Variants in TNFSF10 observed in about 807,000 individuals in gnomAD.
TNFSF10 encodes the protein TNF superfamily member 10, also known as tumor necrosis factor ligand superfamily member 10.
Under a neutral mutation model 29.5 loss-of-function variants are expected in TNFSF10, and 13 were observed. That is an observed-to-expected ratio of 0.44 (90% CI 0.29 to 0.70). The LOEUF is 0.70. TNFSF10 is among the 30% of genes least tolerant of loss of function. The probability of loss-of-function intolerance (pLI) is 0.13; values close to 1 mark genes in which losing one functional copy is unlikely to be tolerated. For synonymous variants in TNFSF10, 111 were observed against 112.8 expected (o/e 0.98, Z 0.10); for missense variants, 345 against 330.9 (o/e 1.04, Z -0.33).
chr3:172,516,069 T>C (rs947910020), intron 1 of TNFSF10, among the ~76,000 whole-genome samples: 9 of 152,136 alleles, frequency 5.9e-5, no homozygotes, highest in Admixed American at 2.0e-4. Context: ...GAGACCATCC[T>C]GGCTAACCCA....
intron 2 of TNFSF10, among the ~76,000 whole-genome samples, chr3:172,511,996 G>A (rs577649537): frequency 2.6e-5 from 4 of 152,346 alleles, no homozygotes; most frequent in African/African-American, 9.6e-5. Flanking sequence ...GATGGGTGTG[G>A]CAGCCATGTC....
Position 172,514,846 on chromosome 3 carries a change from G to T in TNFSF10, c.270+15C>A, listed in dbSNP as rs1406594361. On this transcript the variant is annotated intron_variant, in intron 2 of 4. Transcript: ENST00000241261. ...TCTCCGCCTGCTGGTGAGGTCACCT[G>T]GTGAGGTTACCTACCTTTCTAACGA... 6 of 1,613,694 alleles carry T rather than the reference G, an allele frequency of 3.7e-6. No homozygotes were observed. Among genetic ancestry groups the T allele is most frequent in the Non-Finnish European group, 5.1e-6 (6 of 1,179,894 alleles).
At chr3:172,519,986 G>A (rs986555691) in intron 1 of TNFSF10, among the ~76,000 whole-genome samples, 3 of 152,302 alleles carry the variant, frequency 2.0e-5, no homozygotes, top group African/African-American at 7.2e-5. Context: ...GGTGCTAGCC[G>A]CCCCACGGCC....
In TNFSF10 at chr3:172,514,994, T is replaced by A; in HGVS notation, c.137A>T (p.Gln46Leu). The change falls in exon 2 of 5, where the codon CAG becomes CTG. Residue 46 changes from glutamine to leucine, a missense_variant. By Grantham distance (113) the Gln-to-Leu change is moderately radical (BLOSUM62 -2). Coordinates refer to ENST00000241261, the MANE Select transcript of TNFSF10 (RefSeq NM_003810.4). Reference protein sequence around the residue: ...VYFTNELKQMQDKYSKSGIAC... With the variant: ...VYFTNELKQMLDKYSKSGIAC... The stretch of plus-strand genomic sequence containing the variant: ...AATGCCACTTTTGGAGTACTTGTCC[T>A]GCATCTGGGTTGAGATGGAATATAA... 1.2e-6 allele frequency: 2 copies of A among 1,614,126 alleles called. No individual in the cohort carries two copies. Among genetic ancestry groups the A allele is most frequent in the Non-Finnish European group, 1.7e-6 (2 of 1,180,006 alleles).
intron 1 of TNFSF10, 58 bp from the exon 2 acceptor site, chr3:172,515,056 A>G: frequency 6.2e-7 from 1 of 1,608,896 alleles, no homozygotes; most frequent in Non-Finnish European, 8.5e-7. Context: ...ATTTTTGTTC[A>G]TTTGGAAGTT....
At chr3:172,518,912 CATTGT>C (rs1713561589) in intron 1 of TNFSF10, among the ~76,000 whole-genome samples, 1 of 150,288 alleles carries the variant, frequency 6.7e-6, no homozygotes, top group African/African-American at 2.4e-5. Flanking sequence ...ATAAAAATAG[CATTGT>C]ATTGTATTGA....
intron 1 of TNFSF10, among the ~76,000 whole-genome samples, chr3:172,521,473 G>A (rs1427124454): frequency 2.0e-5 from 3 of 152,194 alleles, no homozygotes; most frequent in African/African-American, 4.8e-5. Flanking sequence ...CTGGTCATTA[G>A]AGAAATGCAA....
chr3:172,515,131 A>G, intron 1 of TNFSF10, 133 bp from the exon 2 acceptor site: 1 of 1,193,860 alleles, frequency 8.4e-7, no homozygotes, highest in South Asian at 1.4e-5. Context: ...TCCTGTTTGA[A>G]ATAAAAGTAA....
chr3:172,507,917 T>C (rs577834108), intron 4 of TNFSF10, among the ~76,000 whole-genome samples: 1 of 152,306 alleles, frequency 6.6e-6, no homozygotes, highest in South Asian at 2.1e-4. Context: ...TTTGCATCAT[T>C]TTGTGGGTTA....
At chr3:172,513,639 A>G (rs1036581513) in intron 2 of TNFSF10, among the ~76,000 whole-genome samples, 2 of 152,188 alleles carry the variant, frequency 1.3e-5, no homozygotes, top group Non-Finnish European at 2.9e-5. Context: ...CCAACATAAC[A>G]GTATTTATAT....
At chr3:172,523,175 C>T in intron 1 of TNFSF10, 78 bp downstream of exon 1, 5 of 1,474,590 alleles carry the variant, frequency 3.4e-6, no homozygotes, top group Non-Finnish European at 4.6e-6. Context: ...CAGAGAGGGG[C>T]AAGCTGACAT....
chr3:172,507,889 A>G (rs3819773), intron 4 of TNFSF10, among the ~76,000 whole-genome samples: 105,555 of 152,166 alleles, frequency 0.69, 37,004 homozygotes, highest in Middle Eastern at 0.79. Flanking sequence ...TCTTGAGGAC[A>G]TACAATAGAC....
chr3:172,518,879 T>C (rs1330988570), intron 1 of TNFSF10, among the ~76,000 whole-genome samples: 1 of 152,218 alleles, frequency 6.6e-6, no homozygotes, highest in Non-Finnish European at 1.5e-5. Context: ...AGGAGACTTT[T>C]CAGCAGTAAT....
At chr3:172,509,057 A>G (rs766034946) in intron 4 of TNFSF10, 160 bp downstream of exon 4, 2 of 477,938 alleles carry the variant, frequency 4.2e-6, no homozygotes, top group Non-Finnish European at 7.1e-6. Context: ...GTTTGTCTGT[A>G]ATCTTGCATC....
At chr3:172,513,895 G>A (rs1713329957) in intron 2 of TNFSF10, among the ~76,000 whole-genome samples, 1 of 151,220 alleles carries the variant, frequency 6.6e-6, no homozygotes, top group African/African-American at 2.4e-5. Flanking sequence ...CTAGAGTGCA[G>A]TGGCATGATC....
intron 1 of TNFSF10, chr3:172,518,501 G>A (rs1010671309): frequency 3.5e-5 from 44 of 1,275,158 alleles, no homozygotes; most frequent in Middle Eastern, 2.1e-4. Flanking sequence ...ATGGAGATCC[G>A]TGGAGAGGAA....
Position 172,509,264 on chromosome 3 carries a change from G to A in TNFSF10, c.371C>T (p.Ala124Val), listed in dbSNP as rs1388931325. ...VRERGPQRVA[A>V]HITGTRGRSN... ...TCTTCCTCTGGTCCCAGTTATGTGAGCTGCTACTCTCTGAGGACCTCTTTC... is the reference window on the plus strand; with the variant it reads ...TCTTCCTCTGGTCCCAGTTATGTGAACTGCTACTCTCTGAGGACCTCTTTC... The change falls in exon 4 of 5, where the codon GCT becomes GTT. Residue 124 changes from alanine (A) to valine (V), a missense_variant. Coordinates refer to ENST00000241261, the MANE Select transcript of TNFSF10 (RefSeq NM_003810.4). 6 of 1,613,782 alleles carry A rather than the reference G, an allele frequency of 3.7e-6. No individual in the cohort carries two copies. Among genetic ancestry groups the A allele is most frequent in the African/African-American group, 1.3e-5 (1 of 74,908 alleles).
Position 172,506,251 on chromosome 3 carries a change from G to A in TNFSF10, c.*241C>T, listed in dbSNP as rs1178772964. The A allele has an allele frequency of 8.7e-6, 4 of 457,838 alleles. No individual in the cohort carries two copies. The highest frequency in any genetic ancestry group is 1.2e-5 in the Non-Finnish European group (3 of 259,284). 28.4% of individuals were successfully genotyped at this position (457,838 alleles called of 1,614,324 possible). ...ATTTCTGCTAGCAAACTGATATGAG[G>A]TAGAGTCCTGAAAGATCTTTCAGCA... On this transcript the variant is annotated 3_prime_UTR_variant, in exon 5 of 5. Transcript: ENST00000241261.
At chr3:172,516,227 G>C (rs142552223) in intron 1 of TNFSF10, among the ~76,000 whole-genome samples, 1 of 148,490 alleles carries the variant, frequency 6.7e-6, no homozygotes, top group Admixed American at 6.8e-5. Flanking sequence ...TCGTGCCATT[G>C]CACTCTAGCC....
Sources: gnomAD v4.1 joint callset for allele counts (sites outside exome capture counted in the v4.1 genomes callset) on GRCh38, gnomAD v4.1.1 for gene constraint, MANE v1.5 for transcripts, NCBI Gene and HGNC (gene_info 2026-07-23, HGNC 2026-07-21) for gene names.